Variants in SLIT2 observed in about 807,000 individuals in gnomAD.
SLIT2 encodes slit homolog 2 protein.
Under a neutral mutation model 185.7 loss-of-function variants are expected in SLIT2, and 41 were observed. That is an observed-to-expected ratio of 0.22 (90% CI 0.17 to 0.29). The LOEUF (loss-of-function observed/expected upper bound fraction) is 0.29. Among genes scored for constraint, SLIT2 ranks in the 10% least tolerant of loss-of-function variants. The probability of loss-of-function intolerance (pLI) is 1.00; values close to 1 mark genes in which losing one functional copy is unlikely to be tolerated. For synonymous variants in SLIT2, 693 were observed against 680.2 expected (o/e 1.02, Z -0.29); for missense variants, 1,571 against 1,909.0 (o/e 0.82, Z 3.30).
chr4:20,289,945 C>T (rs1050787172), intron 4 of SLIT2, among the ~76,000 whole-genome samples: 1 of 152,216 alleles, frequency 6.6e-6, no homozygotes, highest in Admixed American at 6.5e-5. Context: ...TCTGCTGTCT[C>T]TGTCTGTGCT....
intron 29 of SLIT2, among the ~76,000 whole-genome samples, chr4:20,569,967 A>G (rs1025401547): frequency 2.6e-5 from 4 of 152,122 alleles, no homozygotes; most frequent in African/African-American, 9.7e-5. Flanking sequence ...AAATTTTCCC[A>G]GGGATTTGTT....
intron 4 of SLIT2, among the ~76,000 whole-genome samples, chr4:20,456,812 G>A (rs1713119598): frequency 1.3e-5 from 2 of 152,088 alleles, no homozygotes; most frequent in Admixed American, 6.5e-5. Flanking sequence ...CCAAGACTGA[G>A]ACTGAGACTA....
At position 20,267,094 on chromosome 4, in the gene SLIT2, C is replaced by G. The variant is rs186559976; in HGVS notation, c.324-1716C>G. Among the ~76,000 whole-genome samples, 45 of 152,006 alleles carry G rather than the reference C, an allele frequency of 3.0e-4. 2 individuals carry two copies. Among genetic ancestry groups the G allele is most frequent in the Admixed American group, 2.6e-3 (40 of 15,244 alleles). ...AGTGGTTGCATTCCTAGAAAAAAAT[C>G]TCATTACCACTGTTGCAAATATGTG... is the stretch of plus-strand genomic sequence containing the variant. On this transcript the variant is annotated intron_variant, in intron 3 of 36. Coordinates refer to ENST00000504154, the MANE Select transcript of SLIT2 (RefSeq NM_004787.4).
chr4:20,553,738 T>G, intron 25 of SLIT2, 67 bp from the exon 26 acceptor site: 1 of 1,177,310 alleles, frequency 8.5e-7, no homozygotes, highest in Non-Finnish European at 1.1e-6. Context: ...TCCATACTTG[T>G]GTGTGTGTGT....
At chr4:20,368,229 A>T (rs1723282407) in intron 4 of SLIT2, among the ~76,000 whole-genome samples, 1 of 150,784 alleles carries the variant, frequency 6.6e-6, no homozygotes, top group South Asian at 2.1e-4. Context: ...CAAAAAAAAA[A>T]AAAAAGAAAA....
At chr4:20,524,202 CCT>C in intron 14 of SLIT2, 25 bp downstream of exon 14, 2 of 1,610,954 alleles carry the variant, frequency 1.2e-6, no homozygotes, top group African/African-American at 1.3e-5. Flanking sequence ...TGTTATTTCC[CCT>C]GTGACCAACA....
chr4:20,315,999 G>A (rs1314724793), intron 4 of SLIT2, among the ~76,000 whole-genome samples: 1 of 151,896 alleles, frequency 6.6e-6, no homozygotes, highest in Non-Finnish European at 1.5e-5. Context: ...GGTAGTGATA[G>A]TGAGCCAGGC....
intron 33 of SLIT2, among the ~76,000 whole-genome samples, chr4:20,598,766 C>G (rs1728181112): frequency 6.6e-6 from 1 of 152,136 alleles, no homozygotes; most frequent in Non-Finnish European, 1.5e-5. Flanking sequence ...AAGCCTCGAC[C>G]TTTAATAGAC....
intron 4 of SLIT2, among the ~76,000 whole-genome samples, chr4:20,322,151 C>G (rs1452758011): frequency 6.6e-6 from 1 of 152,154 alleles, no homozygotes; most frequent in Non-Finnish European, 1.5e-5. Context: ...ACCTCCATTT[C>G]ATATGTGAAC....
chr4:20,402,778 G>C (rs1004640749), intron 4 of SLIT2, among the ~76,000 whole-genome samples: 5 of 151,536 alleles, frequency 3.3e-5, no homozygotes, highest in African/African-American at 1.2e-4. Flanking sequence ...CGTGGTAAAG[G>C]ATTTTGAATT....
chr4:20,370,038 G>C lies in SLIT2; in HGVS notation c.396-97714G>C, dbSNP rs1252214837. On this transcript the variant is annotated intron_variant, in intron 4 of 36. Coordinates refer to ENST00000504154, the MANE Select transcript of SLIT2 (RefSeq NM_004787.4). ...AATTTGTTAAAAGTGAAAATATTTG[G>C]TCTCTACCCCAGACCAACTGAATAA... is the stretch of plus-strand genomic sequence containing the variant. Among the ~76,000 whole-genome samples, 4 of 151,994 alleles carry C rather than the reference G, an allele frequency of 2.6e-5. No individual in the cohort carries two copies. In the East Asian group the frequency reaches 7.8e-4, roughly 29 times the overall value.
rs746802621 is a variant in SLIT2 at position 20,491,778 on chromosome 4, G to A, written c.793G>A (p.Ala265Thr). Residue 265 changes from alanine (A) to threonine (T), a missense_variant, in exon 9 of 37, where the codon GCT (alanine) becomes ACT (threonine). Transcript: ENST00000504154. ...TTTTTTAGGTCACCAGTCATTTATG[G>A]CTCCTTCTTGTAGTGTTTTGCACTG... ...FVCSGHQSFM[A>T]PSCSVLHCPA... is the part of the protein sequence containing the mutation. 1.2e-6 allele frequency: 2 copies of A among 1,610,730 alleles called. No individual in the cohort carries two copies. The highest frequency in any genetic ancestry group is 1.1e-5 in the South Asian group (1 of 90,446).
intron 4 of SLIT2, among the ~76,000 whole-genome samples, chr4:20,326,268 C>T (rs1268885596): frequency 6.6e-6 from 1 of 152,042 alleles, no homozygotes; most frequent in Non-Finnish European, 1.5e-5. Flanking sequence ...TTTTCTCAGA[C>T]TCTATCTACT....
At chr4:20,374,214 C>A (rs1412086664) in intron 4 of SLIT2, among the ~76,000 whole-genome samples, 1 of 151,962 alleles carries the variant, frequency 6.6e-6, no homozygotes, top group Non-Finnish European at 1.5e-5. Context: ...GAATGAACAC[C>A]AGATATGAAG....
chr4:20,501,942 GT>G (rs1718774370), intron 9 of SLIT2, among the ~76,000 whole-genome samples: 1 of 152,064 alleles, frequency 6.6e-6, no homozygotes, highest in Non-Finnish European at 1.5e-5. Flanking sequence ...AAGACTTTGT[GT>G]TCATGATAAG....
chr4:20,356,827 C>T (rs575912982), intron 4 of SLIT2, among the ~76,000 whole-genome samples: 1 of 152,200 alleles, frequency 6.6e-6, no homozygotes, highest in Admixed American at 6.5e-5. Flanking sequence ...ACTTTCCATA[C>T]CTCCCAGCCC....
chr4:20,541,378 G>A, intron 19 of SLIT2, 75 bp from the exon 20 acceptor site: 1 of 1,275,586 alleles, frequency 7.8e-7, no homozygotes, highest in Non-Finnish European at 1.1e-6. Flanking sequence ...GCGTGGAGAA[G>A]GGTAGCTGGG....
At chr4:20,299,203 T>C (rs975926294) in intron 4 of SLIT2, among the ~76,000 whole-genome samples, 4 of 152,224 alleles carry the variant, frequency 2.6e-5, no homozygotes, top group Admixed American at 2.6e-4. Context: ...ATCCACCCAG[T>C]GGGTGATTTA....
At chr4:20,547,250 T>G (rs924383455) in intron 22 of SLIT2, among the ~76,000 whole-genome samples, 8 of 152,142 alleles carry the variant, frequency 5.3e-5, no homozygotes, top group African/African-American at 1.9e-4. Flanking sequence ...ATTACATACA[T>G]TTTGTTCTGT....
Sources: allele counts gnomAD v4.1 joint callset (sites outside exome capture counted in the v4.1 genomes callset), GRCh38; gene constraint gnomAD v4.1.1; transcripts MANE v1.5; gene names NCBI Gene and HGNC (gene_info 2026-07-23, HGNC 2026-07-21).